The following FBLN1 variants were observed in gnomAD, a reference collection of about 807,000 sequenced individuals.
The protein encoded by FBLN1 is fibulin-1.
A neutral mutation model predicts 89.7 loss-of-function variants in FBLN1; 34 were observed. That is an observed-to-expected ratio of 0.38 (90% CI 0.29 to 0.50). The LOEUF (loss-of-function observed/expected upper bound fraction) is 0.50. Ranked by LOEUF, FBLN1 falls within the 20% of genes least tolerant of loss-of-function variation. The pLI, the probability that FBLN1 is intolerant of heterozygous loss-of-function variation, is 0.92. For missense variants in FBLN1, 777 were observed against 988.1 expected (o/e 0.79, Z 2.86); for synonymous variants, 393 against 391.3 (o/e 1.00, Z -0.05).
chr22:45,538,424 G>A lies in FBLN1; in HGVS notation c.923-2805G>A, dbSNP rs2088510928. Among the ~76,000 whole-genome samples, 3 of 152,342 alleles carry A rather than the reference G, an allele frequency of 2.0e-5. No homozygotes were observed. The South Asian group carries it at 6.2e-4, about 32-fold the overall frequency. ...GCCCGCCTCTTGGCAGGGTCCATGA[G>A]CCCTTCTGGGCTCTGCTCCCTTGAG... On this transcript the variant is annotated intron_variant, in intron 8 of 16. Coordinates refer to ENST00000327858, the MANE Select transcript of FBLN1 (RefSeq NM_006486.3).
intron 14 of FBLN1, among the ~76,000 whole-genome samples, chr22:45,568,608 A>AGG (rs1569260227): frequency 0.018 from 834 of 46,548 alleles, 299 homozygotes; most frequent in Middle Eastern, 0.078. Flanking sequence ...CTCCTTCTGT[A>AGG]AGGGAATGCT....
intron 14 of FBLN1, chr22:45,558,154 T>A: frequency 1.4e-6 from 1 of 711,476 alleles, no homozygotes; most frequent in Non-Finnish European, 2.6e-6. Flanking sequence ...ACCACGGGCA[T>A]TTGAGCCACT....
chr22:45,512,033 C>T (rs575296290), intron 1 of FBLN1, among the ~76,000 whole-genome samples: 98 of 152,202 alleles, frequency 6.4e-4, no homozygotes, highest in African/African-American at 2.2e-3. Context: ...TCCAGGTCCC[C>T]TGAGGCCCTG....
intron 1 of FBLN1, among the ~76,000 whole-genome samples, chr22:45,513,888 G>A (rs1569233851): frequency 6.6e-6 from 1 of 152,020 alleles, no homozygotes; most frequent in Non-Finnish European, 1.5e-5. Flanking sequence ...CTGCCTCCCA[G>A]GTTCAAGCGA....
At chr22:45,565,107 CCTCT>C (rs917241638) in intron 14 of FBLN1, 24 of 1,590,940 alleles carry the variant, frequency 1.5e-5, no homozygotes, top group Non-Finnish European at 2.0e-5. Context: ...GTCTCCTGGC[CCTCT>C]CTCTGATCAT....
At chr22:45,589,881 T>G (rs898696567) in intron 16 of FBLN1, among the ~76,000 whole-genome samples, 3 of 152,128 alleles carry the variant, frequency 2.0e-5, no homozygotes, top group African/African-American at 7.2e-5. Context: ...CACCTCGTTC[T>G]TCAAAGTCAG....
chr22:45,571,035 C>T (rs141083791), intron 14 of FBLN1, among the ~76,000 whole-genome samples: 2 of 142,230 alleles, frequency 1.4e-5, no homozygotes, highest in East Asian at 2.1e-4. Flanking sequence ...GCAGGAGAAT[C>T]GCTTAAACTT....
chr22:45,587,606 G>T (rs1030484085), intron 16 of FBLN1, among the ~76,000 whole-genome samples: 1 of 152,008 alleles, frequency 6.6e-6, no homozygotes, highest in African/African-American at 2.4e-5. Flanking sequence ...TCAGGGATGC[G>T]TGGGCTCCAG....
chr22:45,592,155 G>T (rs1377727121), intron 16 of FBLN1, among the ~76,000 whole-genome samples: 1 of 152,178 alleles, frequency 6.6e-6, no homozygotes, highest in Non-Finnish European at 1.5e-5. Context: ...TTTCTCCCCA[G>T]GAGAAGGAGG....
chr22:45,526,322 A>T (rs1375078475), intron 3 of FBLN1, among the ~76,000 whole-genome samples: 1 of 152,174 alleles, frequency 6.6e-6, no homozygotes, highest in African/African-American at 2.4e-5. Context: ...CAGGACCGCT[A>T]TGGCCGTGGA....
At chr22:45,565,194 G>A in intron 14 of FBLN1, 2 of 1,531,792 alleles carry the variant, frequency 1.3e-6, no homozygotes, top group South Asian at 2.3e-5. Flanking sequence ...GAGCCTCTCT[G>A]AAGGACCAGT....
At chr22:45,504,761 T>C (rs558802843) in intron 1 of FBLN1, among the ~76,000 whole-genome samples, 1 of 152,344 alleles carries the variant, frequency 6.6e-6, no homozygotes, top group East Asian at 1.9e-4. Context: ...GGGCCCAGTG[T>C]GGCTCACTGC....
chr22:45,563,057 G>A lies in FBLN1; in HGVS notation c.1698-11454G>A. On this transcript the variant is annotated intron_variant, in intron 14 of 16. Coordinates refer to ENST00000327858, the MANE Select transcript of FBLN1 (RefSeq NM_006486.3). This position sits in a 1 kb window ranked among gnomAD's most constrained non-coding sequence, Gnocchi z 5.7. ...GGGCCCCTCCAGTGCTGTCCCCGGGGACAGCATGCAGCTGGCCATCACCGG... is the reference window on the plus strand; with the variant it reads ...GGGCCCCTCCAGTGCTGTCCCCGGGAACAGCATGCAGCTGGCCATCACCGG... 1.2e-6 allele frequency: 2 copies of A among 1,613,468 alleles called. No individual in the cohort carries two copies. The highest frequency in any genetic ancestry group is 1.1e-5 in the South Asian group (1 of 91,076).
intron 8 of FBLN1, among the ~76,000 whole-genome samples, chr22:45,539,342 A>C (rs1416013828): frequency 1.3e-5 from 2 of 150,796 alleles, no homozygotes; most frequent in African/African-American, 4.9e-5. Context: ...CTGGGATTAC[A>C]GGTGCCCACA....
chr22:45,507,906 C>T (rs2088044883), intron 1 of FBLN1, among the ~76,000 whole-genome samples: 1 of 152,148 alleles, frequency 6.6e-6, no homozygotes, highest in South Asian at 2.1e-4. Flanking sequence ...TGAAGCCCGG[C>T]TTCTTGTTTT....
At chr22:45,523,691 A>G (rs1233145431) in intron 2 of FBLN1, among the ~76,000 whole-genome samples, 2 of 152,186 alleles carry the variant, frequency 1.3e-5, no homozygotes, top group East Asian at 3.9e-4. Flanking sequence ...GCGACAGAGC[A>G]AGACTCCATC....
At chr22:45,546,105 G>A (rs1423161220) in intron 11 of FBLN1, among the ~76,000 whole-genome samples, 6 of 151,946 alleles carry the variant, frequency 3.9e-5, no homozygotes, top group Admixed American at 1.3e-4. Context: ...ATAGCCTCCC[G>A]GAGGTGGAGA....
At chr22:45,529,196 G>T in intron 4 of FBLN1, among the ~76,000 whole-genome samples, 2 of 152,242 alleles carry the variant, frequency 1.3e-5, no homozygotes, top group East Asian at 3.8e-4. Context: ...CCTGGCCAGT[G>T]CCCTCTCCAT....
chr22:45,535,032 G>A (rs1174952964), intron 7 of FBLN1, among the ~76,000 whole-genome samples, 168 bp from the exon 8 acceptor site: 2 of 152,184 alleles, frequency 1.3e-5, no homozygotes, highest in Non-Finnish European at 2.9e-5. Flanking sequence ...ACTGGAGCAC[G>A]ATTTGGCTCA....
Sources: allele counts gnomAD v4.1 joint callset (sites outside exome capture counted in the v4.1 genomes callset), GRCh38; gene constraint gnomAD v4.1.1; non-coding constraint Gnocchi (gnomAD v3.1); transcripts MANE v1.5; gene names NCBI Gene and HGNC (gene_info 2026-07-23, HGNC 2026-07-21).